The following KIAA1217 variants were observed in gnomAD, a reference collection of about 807,000 sequenced individuals.
KIAA1217 encodes the protein sickle tail protein homolog.
A neutral mutation model predicts 163.9 loss-of-function variants in KIAA1217; 88 were observed. The ratio of observed to expected loss-of-function variants is 0.54; its 90% confidence interval spans 0.45 to 0.64. KIAA1217 has a LOEUF of 0.64. KIAA1217 is among the 30% of genes least tolerant of loss of function. The probability of loss-of-function intolerance (pLI) is 0.00; values close to 1 mark genes in which losing one functional copy is unlikely to be tolerated. For missense variants in KIAA1217, 2,372 were observed against 2,475.0 expected (o/e 0.96, Z 0.88); for synonymous variants, 903 against 923.1 (o/e 0.98, Z 0.39).
At chr10:23,997,849 T>C (rs2131455990) in intron 1 of KIAA1217, among the ~76,000 whole-genome samples, 1 of 152,232 alleles carries the variant, frequency 6.6e-6, no homozygotes. Flanking sequence ...TTCAGTTATA[T>C]GGGAGGTGTA....
chr10:24,007,565 A>G (rs2075175174), intron 2 of KIAA1217, among the ~76,000 whole-genome samples: 1 of 152,012 alleles, frequency 6.6e-6, no homozygotes, highest in Admixed American at 6.6e-5. Flanking sequence ...TAGCTGCTTT[A>G]TTTTTCAGTC....
intron 2 of KIAA1217, among the ~76,000 whole-genome samples, chr10:24,148,233 C>T (rs546890033): frequency 5.9e-5 from 9 of 152,106 alleles, no homozygotes; most frequent in East Asian, 5.8e-4. Flanking sequence ...TTTTCTTGCA[C>T]AAATCGAACC....
At chr10:24,061,400 A>G (rs1007484181) in intron 2 of KIAA1217, among the ~76,000 whole-genome samples, 2 of 152,190 alleles carry the variant, frequency 1.3e-5, no homozygotes, top group African/African-American at 4.8e-5. Context: ...TTTAACTTTT[A>G]TGCTTCAAAT....
chr10:23,815,419 C>A (rs1402084326), intron 1 of KIAA1217, among the ~76,000 whole-genome samples: 1 of 151,960 alleles, frequency 6.6e-6, no homozygotes, highest in Non-Finnish European at 1.5e-5. Flanking sequence ...CCGAGGTGGG[C>A]GGATCACAAA....
At chr10:23,927,279 C>T (rs914318011) in intron 1 of KIAA1217, among the ~76,000 whole-genome samples, 8 of 151,252 alleles carry the variant, frequency 5.3e-5, no homozygotes, top group Admixed American at 2.0e-4. Context: ...TCTGTTCCAG[C>T]AGTAGTTCCA....
intron 2 of KIAA1217, among the ~76,000 whole-genome samples, chr10:24,124,032 T>C (rs915188521): frequency 6.6e-6 from 1 of 152,226 alleles, no homozygotes; most frequent in South Asian, 2.1e-4. Context: ...TCTTTTATCA[T>C]ATAGAAGTTA....
intron 1 of KIAA1217, among the ~76,000 whole-genome samples, chr10:23,706,094 T>TA (rs1836867790): frequency 6.6e-6 from 1 of 152,184 alleles, no homozygotes; most frequent in Non-Finnish European, 1.5e-5. Context: ...TGCTTTTTTT[T>TA]ATATTGGTCT....
At chr10:24,244,561 C>CTTTTTTTTT (rs11318420) in intron 2 of KIAA1217, among the ~76,000 whole-genome samples, 10 of 85,310 alleles carry the variant, frequency 1.2e-4, no homozygotes, top group Non-Finnish European at 1.4e-4. Flanking sequence ...TTCTTTCTTT[C>CTTTTTTTTT]TTTTTTTTTT....
chr10:24,317,336 C>T (rs190649790), intron 2 of KIAA1217, among the ~76,000 whole-genome samples: 4 of 152,138 alleles, frequency 2.6e-5, no homozygotes, highest in Admixed American at 2.6e-4. Flanking sequence ...CCAGGCTGGT[C>T]TCAAATTTCC....
intron 2 of KIAA1217, among the ~76,000 whole-genome samples, chr10:24,374,404 G>A (rs1341617829): frequency 2.0e-5 from 3 of 152,210 alleles, no homozygotes; most frequent in Admixed American, 1.3e-4. Context: ...TTGTGTGTGT[G>A]TATATTGTAC....
chr10:23,797,280 G>A (rs1325247025), intron 1 of KIAA1217, among the ~76,000 whole-genome samples: 3 of 152,038 alleles, frequency 2.0e-5, no homozygotes, highest in South Asian at 4.1e-4. Context: ...CTCATGACTC[G>A]TGACACTGGG....
intron 17 of KIAA1217, 66 bp downstream of exon 17, chr10:24,536,959 A>G (rs2074111002): frequency 6.3e-7 from 1 of 1,587,198 alleles, no homozygotes; most frequent in Middle Eastern, 1.9e-4. Flanking sequence ...TGACACTAAC[A>G]CGGCTCTTAT....
intron 1 of KIAA1217, among the ~76,000 whole-genome samples, chr10:23,846,202 C>G (rs1175010974): frequency 6.6e-6 from 1 of 152,056 alleles, no homozygotes; most frequent in Non-Finnish European, 1.5e-5. Context: ...TTAGGATTGT[C>G]TTGGCTGTGT....
chr10:23,852,347 G>A (rs577879270), intron 1 of KIAA1217, among the ~76,000 whole-genome samples: 10 of 152,238 alleles, frequency 6.6e-5, no homozygotes, highest in African/African-American at 2.2e-4. Flanking sequence ...CTATTTCTGA[G>A]GGCTCTGTTC....
intron 2 of KIAA1217, among the ~76,000 whole-genome samples, chr10:24,148,034 C>T (rs2064418140): frequency 6.6e-6 from 1 of 152,008 alleles, no homozygotes; most frequent in African/African-American, 2.4e-5. Context: ...AGTATGGTCA[C>T]TTTTGAGCGT....
intron 1 of KIAA1217, among the ~76,000 whole-genome samples, chr10:23,811,409 AG>A (rs1458336001): frequency 6.6e-6 from 1 of 151,020 alleles, no homozygotes; most frequent in Non-Finnish European, 1.5e-5. Context: ...GAGGGAAAAA[AG>A]GGGAACTCAG....
chr10:23,854,183 G>A (rs558307969), intron 1 of KIAA1217, among the ~76,000 whole-genome samples: 1 of 152,120 alleles, frequency 6.6e-6, no homozygotes, highest in Admixed American at 6.6e-5. Flanking sequence ...ATGCTGCTTT[G>A]AATGTGTCCC....
chr10:24,515,267 C>T (rs770697651), intron 10 of KIAA1217, among the ~76,000 whole-genome samples: 3 of 151,960 alleles, frequency 2.0e-5, no homozygotes, highest in Admixed American at 2.0e-4. Flanking sequence ...GGCGTTTCAC[C>T]ATATTGGTCA....
intron 2 of KIAA1217, among the ~76,000 whole-genome samples, chr10:24,197,844 G>C (rs2067062756): frequency 6.6e-6 from 1 of 152,200 alleles, no homozygotes; most frequent in Non-Finnish European, 1.5e-5. Context: ...ATGACTCCAT[G>C]GTGCTTGCAG....
Sources: gnomAD v4.1 joint callset for allele counts (sites outside exome capture counted in the v4.1 genomes callset) on GRCh38, gnomAD v4.1.1 for gene constraint, MANE v1.5 for transcripts, NCBI Gene and HGNC (gene_info 2026-07-23, HGNC 2026-07-21) for gene names.